Variants in PPFIA1 observed in about 807,000 individuals in gnomAD.
The protein encoded by PPFIA1 is liprin-alpha-1.
In PPFIA1, 25 loss-of-function variants were observed where a neutral mutation model predicts 149.9. The ratio of observed to expected loss-of-function variants is 0.17; its 90% CI spans 0.12 to 0.23. The LOEUF is 0.23. Ranked by LOEUF, PPFIA1 falls within the 10% of genes least tolerant of loss-of-function variation. The pLI is 1.00. For missense variants in PPFIA1, 1,362 were observed against 1,506.5 expected, an observed-to-expected ratio of 0.90 and a Z score of 1.59; for synonymous variants, 549 against 552.8, an observed-to-expected ratio of 0.99 and a Z score of 0.10.
intron 16 of PPFIA1, 22 bp from the exon 17 acceptor site, chr11:70,354,277 CTT>C (rs2056235141): frequency 3.1e-6 from 5 of 1,597,048 alleles, no homozygotes; most frequent in African/African-American, 1.3e-5. Context: ...TGTTAACTAA[CTT>C]TGCACTTCTC....
chr11:70,343,556 T>C, intron 14 of PPFIA1, 113 bp from the exon 15 acceptor site: 1 of 934,776 alleles, frequency 1.1e-6, no homozygotes, highest in Non-Finnish European at 1.6e-6. Flanking sequence ...ATGGCCCATC[T>C]TTCTAAAATC....
intron 2 of PPFIA1, among the ~76,000 whole-genome samples, chr11:70,286,013 C>T (rs76893064): frequency 2.0e-3 from 303 of 152,198 alleles, no homozygotes; most frequent in African/African-American, 6.9e-3. Context: ...TTCCACTTTT[C>T]GTTGATGTTT....
intron 17 of PPFIA1, 26 bp downstream of exon 17, chr11:70,354,478 C>A: frequency 6.3e-7 from 1 of 1,582,614 alleles, no homozygotes; most frequent in Non-Finnish European, 8.6e-7. Flanking sequence ...CAGCCCCATG[C>A]AGAGCGCACC....
intron 2 of PPFIA1, among the ~76,000 whole-genome samples, chr11:70,298,154 C>T (rs1007518808): frequency 2.0e-5 from 3 of 152,190 alleles, no homozygotes; most frequent in Non-Finnish European, 4.4e-5. Context: ...CTTCCGTCAA[C>T]TTTTCTGTTA....
intron 8 of PPFIA1, among the ~76,000 whole-genome samples, chr11:70,330,792 C>T (rs1214318189): frequency 7.1e-6 from 1 of 140,016 alleles, no homozygotes; most frequent in East Asian, 2.0e-4. Context: ...AATAAATTAG[C>T]CGGGCATGGT....
chr11:70,382,095 A>G lies in PPFIA1; in HGVS notation c.3558A>G (p.Val1186=). The change falls in exon 27 of 28, where the codon GTA becomes GTG. Residue 1186 remains valine, a synonymous_variant. Coordinates refer to ENST00000253925, the MANE Select transcript of PPFIA1 (RefSeq NM_003626.5). ...TCGTGGCTGTTGAAACAGGCAATGT[A>G]TCAGGAACACAGAGGTTGGATTCTG... is the stretch of plus-strand genomic sequence containing the variant. ...QPKKMQMDGN[V]SGTQRLDSAT... The G allele has an allele frequency of 1.2e-6, 2 of 1,614,062 alleles. No individual in the cohort carries two copies. Among genetic ancestry groups the G allele is most frequent in the Non-Finnish European group, 1.7e-6 (2 of 1,179,986 alleles).
At chr11:70,316,066 T>C (rs1161150594) in intron 2 of PPFIA1, among the ~76,000 whole-genome samples, 1 of 152,090 alleles carries the variant, frequency 6.6e-6, no homozygotes, top group Non-Finnish European at 1.5e-5. Flanking sequence ...TTCCTTCCTT[T>C]TTTTTTAAAT....
At chr11:70,321,378 A>G (rs2053930315) in intron 2 of PPFIA1, 1 of 152,064 alleles carries the variant, frequency 6.6e-6, no homozygotes, top group Admixed American at 6.6e-5. Context: ...GCAACAGAAA[A>G]CCTTCTGTCG....
chr11:70,365,691 T>C (rs1437958518), intron 21 of PPFIA1: 3 of 354,572 alleles, frequency 8.5e-6, no homozygotes, highest in Non-Finnish European at 1.7e-5. Context: ...GAGATCTCAG[T>C]TGAGCCTCCA....
rs2054309669 is a variant in PPFIA1 at position 70,326,671 on chromosome 11, G to A, written c.783G>A (p.Lys261=). ...TTGAGCTCCAAGAAATCATAAGTAA[G>A]CAGTCAAGGGAACAGAGCCAAATGA... ...KVIELQEIIS[K]QSREQSQMKE... is the part of the protein sequence containing the mutation. The change falls in exon 7 of 28, where the codon AAG becomes AAA. Residue 261 remains lysine (K), a synonymous_variant. Coordinates refer to ENST00000253925, the MANE Select transcript of PPFIA1 (RefSeq NM_003626.5). 6.2e-7 allele frequency: 1 copy of A among 1,614,120 alleles called. No homozygotes were observed.
chr11:70,287,073 G>A (rs1052398430), intron 2 of PPFIA1, among the ~76,000 whole-genome samples: 6 of 151,526 alleles, frequency 4.0e-5, no homozygotes, highest in African/African-American at 1.5e-4. Context: ...GGCTGGTCTC[G>A]AACTCTTGAG....
At chr11:70,288,674 C>G in intron 2 of PPFIA1, among the ~76,000 whole-genome samples, 1 of 152,218 alleles carries the variant, frequency 6.6e-6, no homozygotes, top group East Asian at 1.9e-4. Flanking sequence ...TTCCAGCTCT[C>G]TCAGTCACTG....
intron 2 of PPFIA1, among the ~76,000 whole-genome samples, chr11:70,279,599 A>T (rs565345252): frequency 7.0e-6 from 1 of 142,984 alleles, no homozygotes; most frequent in African/African-American, 2.6e-5. Context: ...TTTGAGATGG[A>T]GTTTCGCTAT....
intron 1 of PPFIA1, chr11:70,271,133 C>T (rs947423739): frequency 1.3e-5 from 2 of 151,874 alleles, no homozygotes; most frequent in Admixed American, 1.3e-4. Context: ...TGCCCCTCCC[C>T]GAGCCCCGCG....
At chr11:70,322,066 A>G (rs1355627708) in intron 2 of PPFIA1, among the ~76,000 whole-genome samples, 2 of 152,044 alleles carry the variant, frequency 1.3e-5, no homozygotes, top group Non-Finnish European at 2.9e-5. Flanking sequence ...TTTAGTAGAG[A>G]TGGTGTTTCT....
chr11:70,330,776 A>G (rs944973103), intron 8 of PPFIA1, among the ~76,000 whole-genome samples: 1 of 117,614 alleles, frequency 8.5e-6, no homozygotes, highest in African/African-American at 4.4e-5. Context: ...GTCTCTACAG[A>G]AAATTAATAA....
chr11:70,304,044 C>T (rs555430224), intron 2 of PPFIA1, among the ~76,000 whole-genome samples: 8 of 152,154 alleles, frequency 5.3e-5, no homozygotes, highest in Admixed American at 2.6e-4. Flanking sequence ...AAGGAGTGGT[C>T]ACTGGAAAGA....
intron 16 of PPFIA1, among the ~76,000 whole-genome samples, chr11:70,349,197 C>T (rs968252730): frequency 1.4e-5 from 2 of 142,752 alleles, no homozygotes; most frequent in Non-Finnish European, 3.0e-5. Context: ...AAGCCGTGAA[C>T]AAGCCAGCTG....
chr11:70,347,010 A>C (rs1024597275), intron 15 of PPFIA1, among the ~76,000 whole-genome samples: 1 of 152,234 alleles, frequency 6.6e-6, no homozygotes, highest in African/African-American at 2.4e-5. Flanking sequence ...AGAAATTTAC[A>C]TGAGGATGGT....
Sources: allele counts gnomAD v4.1 joint callset (sites outside exome capture counted in the v4.1 genomes callset), GRCh38; gene constraint gnomAD v4.1.1; transcripts MANE v1.5; gene names NCBI Gene and HGNC (gene_info 2026-07-23, HGNC 2026-07-21).